WDFY4: variants seen among roughly 807,000 people sequenced by gnomAD.
The protein encoded by WDFY4 is WDFY family member 4.
In WDFY4, 169 loss-of-function variants were observed where a neutral mutation model predicts 351.9. The observed-to-expected ratio is 0.48, with a 90% CI of 0.42 to 0.55. WDFY4 has a LOEUF of 0.55. Ranked by LOEUF, WDFY4 falls within the 20% of genes least tolerant of loss-of-function variation. The probability of loss-of-function intolerance (pLI) is 0.00; values close to 1 mark genes in which losing one functional copy is unlikely to be tolerated. For synonymous variants in WDFY4, 1,622 were observed against 1,574.6 expected (o/e 1.03, Z -0.71); for missense variants, 3,803 against 3,935.6 (o/e 0.97, Z 0.90).
At chr10:48,957,099 G>C in intron 51 of WDFY4, 30 bp from the exon 52 acceptor site, 1 of 1,539,254 alleles carries the variant, frequency 6.5e-7, no homozygotes, top group African/African-American at 1.4e-5. Context: ...CAGTGAGAGC[G>C]GCTGGTCATG....
chr10:48,779,915 G>A (rs1372961446), intron 18 of WDFY4, 26 bp from the exon 19 acceptor site: 1 of 1,550,576 alleles, frequency 6.4e-7, no homozygotes, highest in Non-Finnish European at 8.7e-7. Flanking sequence ...CCACACGTGA[G>A]ACTCAGTGTT....
intron 55 of WDFY4, chr10:48,968,822 A>C: frequency 1.2e-5 from 6 of 495,110 alleles, no homozygotes; most frequent in Non-Finnish European, 1.8e-5. Flanking sequence ...GAGGATGGGA[A>C]TTGTGCCTCC....
In WDFY4 at chr10:48,872,120, G is replaced by A. The variant is rs1011377220; in HGVS notation, c.6742-1371G>A. 2.0e-5 allele frequency among the ~76,000 whole-genome samples: 3 copies of A among 152,170 alleles called. No individual in the cohort carries two copies. The East Asian group carries it at 5.8e-4, about 29-fold the overall frequency. On this transcript the variant is annotated intron_variant, in intron 40 of 61. Coordinates refer to ENST00000325239, the MANE Select transcript of WDFY4 (RefSeq NM_001394531.1). The stretch of plus-strand genomic sequence containing the variant: ...TCAAATGCCAGAAACCACCTGCTGG[G>A]CACTATCCCCCACCCCAAAGCCATG...
chr10:48,825,422 G>A (rs150568261), intron 35 of WDFY4, among the ~76,000 whole-genome samples: 3,021 of 152,172 alleles, frequency 0.02, 114 homozygotes, highest in African/African-American at 0.066. Flanking sequence ...ATGAACATAC[G>A]CGTGCATGTA....
chr10:48,811,980 G>A (rs2067462253), intron 30 of WDFY4, among the ~76,000 whole-genome samples: 1 of 151,992 alleles, frequency 6.6e-6, no homozygotes, highest in South Asian at 2.1e-4. Context: ...CTTCCTTTTG[G>A]GCACAGCTAG....
chr10:48,817,093 A>G (rs1417564798), intron 31 of WDFY4, among the ~76,000 whole-genome samples, 152 bp from the exon 32 acceptor site: 1 of 152,226 alleles, frequency 6.6e-6, no homozygotes, highest in Non-Finnish European at 1.5e-5. Flanking sequence ...CCTCAATTGG[A>G]CACTAGTGTC....
chr10:48,933,193 G>A (rs1036120828), intron 47 of WDFY4, among the ~76,000 whole-genome samples: 1 of 152,166 alleles, frequency 6.6e-6, no homozygotes, highest in Non-Finnish European at 1.5e-5. Context: ...TGTGGACCAG[G>A]CAACGAGAAA....
intron 19 of WDFY4, among the ~76,000 whole-genome samples, chr10:48,784,962 A>T (rs1166853988): frequency 2.1e-5 from 3 of 143,586 alleles, no homozygotes; most frequent in Non-Finnish European, 3.0e-5. Flanking sequence ...GGTTCGCGCC[A>T]TTCTCCTGCC....
At chr10:48,739,943 G>A (rs989272874) in intron 11 of WDFY4, among the ~76,000 whole-genome samples, 7 of 152,176 alleles carry the variant, frequency 4.6e-5, no homozygotes, top group African/African-American at 1.4e-4. Flanking sequence ...TGAATTGGGA[G>A]GGGGTTCCTT....
intron 41 of WDFY4, among the ~76,000 whole-genome samples, chr10:48,874,049 G>C (rs1056423757): frequency 6.6e-6 from 1 of 152,224 alleles, no homozygotes; most frequent in Admixed American, 6.5e-5. Context: ...GCCAGGGGAA[G>C]GCTATTGTCT....
chr10:48,698,049 G>A (rs1400893380), intron 1 of WDFY4, among the ~76,000 whole-genome samples: 1 of 152,192 alleles, frequency 6.6e-6, no homozygotes. Flanking sequence ...TGGCCTCCGA[G>A]GAGGGGATGC....
intron 60 of WDFY4, chr10:48,979,005 T>A (rs2131881028): frequency 6.6e-6 from 1 of 152,462 alleles, no homozygotes; most frequent in Middle Eastern, 3.4e-3. Context: ...CTTTGATTCA[T>A]TTAGTCACCC....
chr10:48,901,293 C>T lies in WDFY4; in HGVS notation c.7524-508C>T, dbSNP rs574074947. On this transcript the variant is annotated intron_variant, in intron 46 of 61. Transcript: ENST00000325239. ...CCAAACCAAACAAGCAGACATACAA[C>T]CCATTAAACTTGATTCATTTCCCCC... Among the ~76,000 whole-genome samples the T allele has an allele frequency of 2.0e-5, 3 of 152,344 alleles. No homozygotes were observed. In the South Asian group the frequency reaches 6.2e-4, roughly 32 times the overall value.
intron 40 of WDFY4, among the ~76,000 whole-genome samples, chr10:48,870,273 A>C (rs1165901567): frequency 6.6e-6 from 1 of 152,172 alleles, no homozygotes; most frequent in Non-Finnish European, 1.5e-5. Flanking sequence ...GTGGTGGCTC[A>C]TGCCTCTAAT....
At chr10:48,731,998 T>C (rs2064477287) in intron 9 of WDFY4, among the ~76,000 whole-genome samples, 1 of 152,164 alleles carries the variant, frequency 6.6e-6, no homozygotes. Context: ...AGAGAGCTCC[T>C]TGGGGTCTTG....
chr10:48,716,618 G>T (rs1423392056), intron 2 of WDFY4, among the ~76,000 whole-genome samples: 1 of 152,192 alleles, frequency 6.6e-6, no homozygotes, highest in East Asian at 1.9e-4. Flanking sequence ...TTCCAGAAGT[G>T]CCCATCGAGG....
At chr10:48,851,033 T>C (rs748423605) in intron 39 of WDFY4, among the ~76,000 whole-genome samples, 1 of 152,252 alleles carries the variant, frequency 6.6e-6, no homozygotes, top group African/African-American at 2.4e-5. Flanking sequence ...AATCTTGATA[T>C]AGCAAGAACC....
At chr10:48,774,779 C>A in intron 14 of WDFY4, 107 bp downstream of exon 14, 1 of 1,354,172 alleles carries the variant, frequency 7.4e-7, no homozygotes, top group Non-Finnish European at 1.0e-6. Context: ...AGATGGAGGG[C>A]ACGGCTCTGT....
At chr10:48,708,104 G>T (rs1336908556) in intron 1 of WDFY4, among the ~76,000 whole-genome samples, 1 of 152,222 alleles carries the variant, frequency 6.6e-6, no homozygotes, top group East Asian at 1.9e-4. Context: ...GTATGGGCAA[G>T]CATTATGTTC....
Sources: allele counts gnomAD v4.1 joint callset (sites outside exome capture counted in the v4.1 genomes callset), GRCh38; gene constraint gnomAD v4.1.1; transcripts MANE v1.5; gene names NCBI Gene and HGNC (gene_info 2026-07-23, HGNC 2026-07-21).